The following ARHGAP21 variants were observed in gnomAD, a reference collection of about 807,000 sequenced individuals.
ARHGAP21 encodes the protein Rho GTPase activating protein 21, also known as rho GTPase-activating protein 21.
In ARHGAP21, 38 loss-of-function variants were observed where a neutral mutation model predicts 164.6. That is an observed-to-expected ratio of 0.23 (90% CI 0.18 to 0.30). The LOEUF (loss-of-function observed/expected upper bound fraction) is 0.30, where lower values mean the gene tolerates loss of function less well. ARHGAP21 is among the 10% of genes least tolerant of loss of function. The probability of loss-of-function intolerance (pLI) is 1.00; values close to 1 mark genes in which losing one functional copy is unlikely to be tolerated. For missense variants in ARHGAP21, 1,822 were observed against 2,370.7 expected (o/e 0.77, Z 4.81); for synonymous variants, 766 against 857.9 (o/e 0.89, Z 1.87).
chr10:24,627,645 G>A (rs1265981704), intron 7 of ARHGAP21, among the ~76,000 whole-genome samples: 1 of 152,046 alleles, frequency 6.6e-6, no homozygotes, highest in Non-Finnish European at 1.5e-5. Flanking sequence ...GTTTTTCTCT[G>A]TCTCTGGGAT....
intron 25 of ARHGAP21, among the ~76,000 whole-genome samples, chr10:24,588,501 G>T: frequency 6.6e-6 from 1 of 151,936 alleles, no homozygotes; most frequent in South Asian, 2.1e-4. Flanking sequence ...ACATGATAAA[G>T]CATTTTTGTA....
chr10:24,626,293 G>A (rs1001112854), intron 7 of ARHGAP21, among the ~76,000 whole-genome samples: 1 of 152,120 alleles, frequency 6.6e-6, no homozygotes, highest in Admixed American at 6.6e-5. Flanking sequence ...TCAGTGCTAC[G>A]GTCTGAATGT....
chr10:24,701,828 C>G (rs937796714), intron 2 of ARHGAP21, among the ~76,000 whole-genome samples: 1 of 152,178 alleles, frequency 6.6e-6, no homozygotes, highest in Non-Finnish European at 1.5e-5. Context: ...TGAAAACAGA[C>G]CGCAGGCTGT....
In ARHGAP21 at chr10:24,584,929, T is replaced by C. The variant is rs1413760033; in HGVS notation, c.5360A>G (p.Lys1787Arg). ...CCTTTTAGCAGTCTCGGCATTCACT[T>C]TGTGATTCCCTACTCCAAACATGTC... ...ADDMFGVGNH[K>R]VNAETAKRKS... The change falls in exon 26 of 26, where the codon AAA becomes AGA. Residue 1787 changes from lysine to arginine, a missense_variant. By Grantham distance (26) the Lys-to-Arg change is conservative. This residue lies in a region of ARHGAP21 where 117 missense variants were observed against 193.2 expected (regional missense o/e 0.61). Coordinates refer to ENST00000396432, the MANE Select transcript of ARHGAP21 (RefSeq NM_020824.4). The C allele has an allele frequency of 2.5e-6, 4 of 1,613,916 alleles. No individual in the cohort carries two copies. The highest frequency in any genetic ancestry group is 1.7e-5 in the Admixed American group (1 of 60,024).
chr10:24,653,125 A>G (rs895287295), intron 4 of ARHGAP21, among the ~76,000 whole-genome samples: 2 of 152,230 alleles, frequency 1.3e-5, no homozygotes, highest in African/African-American at 4.8e-5. Context: ...GCAGGGTTCA[A>G]TAAGTTTAGA....
intron 2 of ARHGAP21, among the ~76,000 whole-genome samples, chr10:24,720,471 C>T (rs1177768563): frequency 1.3e-5 from 2 of 152,276 alleles, no homozygotes; most frequent in East Asian, 3.9e-4. Context: ...TTGTGGTGTT[C>T]CACTTAATCA....
At chr10:24,615,024 A>G (rs1385530876) in intron 9 of ARHGAP21, among the ~76,000 whole-genome samples, 1 of 151,782 alleles carries the variant, frequency 6.6e-6, no homozygotes, top group African/African-American at 2.4e-5. Flanking sequence ...CCCCGTTTCT[A>G]CTAAAAATAC....
rs748105006 is a variant in ARHGAP21, at chr10:24,591,663, T to G, written c.4023A>C (p.Glu1341Asp). The change falls in exon 23 of 26, where the codon GAA becomes GAC. Residue 1341 changes from glutamate to aspartate, a missense_variant. Glu to Asp is a conservative substitution (Grantham distance 45). This residue lies in a region of ARHGAP21 where 333 missense variants were observed against 383.9 expected (regional missense o/e 0.87). Coordinates refer to ENST00000396432, the MANE Select transcript of ARHGAP21 (RefSeq NM_020824.4). ...LIQHHDWFFT[E>D]EGAEEPLTTV... ...TTACAAGAGGCTCTTCAGCACCTTC[T>G]TCTGTGAAAAACCAGTCATGCTAAA... 4 of 1,614,136 alleles carry G rather than the reference T, an allele frequency of 2.5e-6. No homozygotes were observed. The highest frequency in any genetic ancestry group is 3.4e-6 in the Non-Finnish European group (4 of 1,179,996).
In ARHGAP21 at chr10:24,689,697, C is replaced by T. The variant is rs534288298; in HGVS notation, c.64-19300G>A. 1.7e-3 allele frequency among the ~76,000 whole-genome samples: 262 copies of T among 152,156 alleles called. 1 individual carries two copies. Among genetic ancestry groups the T allele is most frequent in the African/African-American group, 5.8e-3 (239 of 41,498 alleles). Reference sequence around the variant, plus strand: ...TTGAGGCTGCAGTGAGCCGTGATCACGCCACTGCACTCCAGCCTGGACATC... The same window carrying T: ...TTGAGGCTGCAGTGAGCCGTGATCATGCCACTGCACTCCAGCCTGGACATC... On this transcript the variant is annotated intron_variant, in intron 2 of 25. Coordinates refer to ENST00000396432, the MANE Select transcript of ARHGAP21 (RefSeq NM_020824.4).
At chr10:24,713,191 G>T (rs907658085) in intron 2 of ARHGAP21, among the ~76,000 whole-genome samples, 2 of 152,154 alleles carry the variant, frequency 1.3e-5, no homozygotes, top group African/African-American at 4.8e-5. Context: ...CAAAAAAATA[G>T]AACTCAAGAG....
intron 4 of ARHGAP21, among the ~76,000 whole-genome samples, chr10:24,637,385 ATCT>A (rs1430651251): frequency 1.3e-5 from 2 of 152,308 alleles, no homozygotes; most frequent in African/African-American, 4.8e-5. Flanking sequence ...AAAAACATCT[ATCT>A]TCTTGGCTAG....
intron 2 of ARHGAP21, among the ~76,000 whole-genome samples, chr10:24,704,269 A>G (rs995973699): frequency 6.6e-5 from 10 of 151,040 alleles, no homozygotes; most frequent in African/African-American, 2.2e-4. Context: ...CTTTATGCTA[A>G]GTTCTACATT....
chr10:24,585,973 T>C lies in ARHGAP21; in HGVS notation c.4316A>G (p.Asn1439Ser), dbSNP rs573043562. ...CACATTTTCTTTCTTAAAAAATACA[T>C]TGTCCAGTTCATCTTCTGAGCTGCT... is the stretch of plus-strand genomic sequence containing the variant. ...QPSSSEDELD[N>S]VFFKKENVEQ... The change falls in exon 26 of 26, where the codon AAT (asparagine) becomes AGT (serine). Residue 1439 changes from asparagine to serine, a missense_variant. Asn to Ser is a conservative substitution (Grantham distance 46). Transcript: ENST00000396432. 3.6e-5 allele frequency: 58 copies of C among 1,614,210 alleles called. No individual in the cohort carries two copies. In the East Asian group the frequency reaches 1.0e-3, roughly 28 times the overall value.
intron 2 of ARHGAP21, among the ~76,000 whole-genome samples, chr10:24,675,869 C>G (rs756989152): frequency 6.6e-6 from 1 of 152,146 alleles, no homozygotes; most frequent in Non-Finnish European, 1.5e-5. Context: ...AAAAGTAGAT[C>G]GGGCTCAGTG....
intron 2 of ARHGAP21, among the ~76,000 whole-genome samples, chr10:24,718,233 G>A (rs931646940): frequency 6.6e-6 from 1 of 152,202 alleles, no homozygotes. Context: ...GCTACTCAGC[G>A]AAAGAAGGTG....
At chr10:24,593,629 A>G (rs12415644) in intron 21 of ARHGAP21, among the ~76,000 whole-genome samples, 7,761 of 152,314 alleles carry the variant, frequency 0.051, 302 homozygotes, top group Non-Finnish European at 0.076. Context: ...CATCTTCAAG[A>G]TTCAGTGTAA....
chr10:24,655,222 T>C (rs1466927146), intron 4 of ARHGAP21, among the ~76,000 whole-genome samples: 1 of 152,240 alleles, frequency 6.6e-6, no homozygotes, highest in Non-Finnish European at 1.5e-5. Context: ...AAGGACTTCG[T>C]GTCTAAAACA....
chr10:24,597,532 T>G lies in ARHGAP21; in HGVS notation c.3249A>C (p.Gln1083His), dbSNP rs756922815. The change falls in exon 16 of 26, where the codon CAA (glutamine) becomes CAC (histidine). Residue 1083 changes from glutamine to histidine, a missense_variant. Physicochemically the swap from Gln to His is conservative, Grantham distance 24. Transcript: ENST00000396432. ...KTPRQSLSIR[Q>H]TLLGAKSEPK... is the part of the protein sequence containing the mutation. ...GCTCTGATTTAGCACCAAGCAAAGT[T>G]TGCCTGATGCTGAGACTCTGGCGAG... 6 of 1,614,028 alleles carry G rather than the reference T, an allele frequency of 3.7e-6. No individual in the cohort carries two copies. The highest frequency in any genetic ancestry group is 4.2e-6 in the Non-Finnish European group (5 of 1,180,008).
intron 23 of ARHGAP21, 98 bp from the exon 24 acceptor site, chr10:24,591,428 C>A: frequency 1.7e-6 from 2 of 1,185,140 alleles, no homozygotes; most frequent in Non-Finnish European, 2.5e-6. Flanking sequence ...CTAAGTAAAG[C>A]ACCTGTGCTT....
Sources: allele counts gnomAD v4.1 joint callset (sites outside exome capture counted in the v4.1 genomes callset), GRCh38; gene constraint gnomAD v4.1.1; regional missense constraint gnomAD v4.1.1; transcripts MANE v1.5; gene names NCBI Gene and HGNC (gene_info 2026-07-23, HGNC 2026-07-21).